The following DMD variants were observed in gnomAD, a reference collection of about 807,000 sequenced individuals.
DMD encodes dystrophin, also known as mutant dystrophin.
DMD carries 63 observed loss-of-function variants against 330.1 expected under a neutral mutation model. The observed-to-expected ratio is 0.19, with a 90% CI of 0.16 to 0.24. DMD has a LOEUF of 0.24. DMD is among the 10% of genes least tolerant of loss of function. The probability of loss-of-function intolerance (pLI) is 1.00; values close to 1 mark genes in which losing one functional copy is unlikely to be tolerated. For synonymous variants in DMD, 1,223 were observed against 959.8 expected (o/e 1.27, Z -5.07); for missense variants, 3,344 against 2,684.1 (o/e 1.25, Z -5.43).
At chrX:32,323,445 G>A (rs1377046192) in intron 41 of DMD, among the ~76,000 whole-genome samples, 1 of 111,575 alleles carries the variant, frequency 9.0e-6, no homozygotes, top group Non-Finnish European at 1.9e-5. Context: ...TGTAATTTAA[G>A]TAATAACATG....
intron 62 of DMD, among the ~76,000 whole-genome samples, chrX:31,298,664 G>A (rs910250248): frequency 3.6e-5 from 4 of 111,964 alleles, no homozygotes; most frequent in Admixed American, 9.5e-5. Flanking sequence ...CTTTTAGATT[G>A]AACCAAATAT....
rs1047719764 is a variant in DMD at position 32,054,736 on chromosome X, C to A, written c.6439-86222G>T. On this transcript the variant is annotated intron_variant, in intron 44 of 78. Transcript: ENST00000357033. ...TGGACATTTGGTGAGGACCATTTTT[C>A]ACTTTTTTTCATTCCTTTCTCTATG... is the stretch of plus-strand genomic sequence containing the variant. Among the ~76,000 whole-genome samples the A allele has an allele frequency of 2.8e-5, 3 of 106,369 alleles. No individual in the cohort carries two copies. The Admixed American group carries it at 3.1e-4, about 11-fold the overall frequency. The allele number at this position is 106,369 out of a possible 115,157, so 92.4% of individuals were successfully genotyped here. A position where few individuals can be genotyped will look rare whatever the true frequency, so the allele number is the denominator to read the frequency against.
chrX:33,145,361 A>G (rs1199185126), intron 1 of DMD, among the ~76,000 whole-genome samples: 1 of 111,887 alleles, frequency 8.9e-6, no homozygotes, highest in Admixed American at 9.6e-5. Context: ...TCTCTTTACT[A>G]CTGAAGCTGG....
chrX:32,491,508 A>G lies in DMD; in HGVS notation c.2391T>C (p.Asn797=). The G allele has an allele frequency of 8.3e-7, 1 of 1,209,714 alleles. No homozygotes were observed. Among genetic ancestry groups the G allele is most frequent in the Non-Finnish European group, 1.1e-6 (1 of 894,144 alleles). Residue 797 remains asparagine (N), a synonymous_variant, in exon 20 of 79, where the codon AAT becomes AAC. Coordinates refer to ENST00000357033, the MANE Select transcript of DMD (RefSeq NM_004006.3). The stretch of plus-strand genomic sequence containing the variant: ...CTGAGGCTTGTTTGATGCTATCTGC[A>G]TTAACACCCTCTAGAAAGAAAAAAA... ...LVEQMVNEGV[N]ADSIKQASEQ... is the part of the protein sequence containing the mutation.
intron 63 of DMD, among the ~76,000 whole-genome samples, chrX:31,243,892 C>T (rs1199362073): frequency 1.8e-5 from 2 of 112,323 alleles, no homozygotes; most frequent in African/African-American, 3.2e-5. Flanking sequence ...AAATTGGAAA[C>T]GACTATGGAA....
intron 1 of DMD, among the ~76,000 whole-genome samples, chrX:33,313,118 A>G (rs1434828030): frequency 9.0e-6 from 1 of 111,602 alleles, no homozygotes; most frequent in African/African-American, 3.3e-5. Context: ...CATACACACA[A>G]ATGGCTGTGA....
In DMD at chrX:31,425,712, G is replaced by GCGCACA. The variant is rs1288075431; in HGVS notation, c.9084+18768_9084+18769insTGTGCG. On this transcript the variant is annotated intron_variant, in intron 60 of 78. Transcript: ENST00000357033. ...GGCATGAGTACACACACACACACAC[G>GCGCACA]CACACAATACAGTTATCCTTGAACC... Among the ~76,000 whole-genome samples, 14 of 98,765 alleles carry GCGCACA rather than the reference G, an allele frequency of 1.4e-4. No individual in the cohort carries two copies. The East Asian group carries it at 2.4e-3, about 17-fold the overall frequency. The allele number at this position is 98,765 out of a possible 115,157, so 85.8% of individuals were successfully genotyped here. A position where few individuals can be genotyped will look rare whatever the true frequency, so the allele number is the denominator to read the frequency against.
intron 1 of DMD, among the ~76,000 whole-genome samples, chrX:33,283,882 G>T (rs1282797477): frequency 9.2e-6 from 1 of 108,648 alleles, no homozygotes; most frequent in African/African-American, 3.4e-5. Context: ...GCTGGGCATG[G>T]TGGCGGGCGC....
At chrX:31,399,664 A>G (rs770521881) in intron 60 of DMD, among the ~76,000 whole-genome samples, 1 of 111,360 alleles carries the variant, frequency 9.0e-6, no homozygotes, top group Non-Finnish European at 1.9e-5. Flanking sequence ...AGAAAGCTGT[A>G]GCTATAGAAG....
chrX:32,910,710 G>A (rs1454045172), intron 2 of DMD, among the ~76,000 whole-genome samples: 1 of 111,691 alleles, frequency 9.0e-6, no homozygotes, highest in Non-Finnish European at 1.9e-5. Context: ...CAAAGTGCTG[G>A]GATTACAGGA....
chrX:31,508,511 T>A, intron 55 of DMD: 1 of 210,461 alleles, frequency 4.8e-6, no homozygotes, highest in South Asian at 1.4e-4. Flanking sequence ...CAGCCAACTT[T>A]TCTTATCATT....
At chrX:32,006,061 A>T (rs190804045) in intron 44 of DMD, among the ~76,000 whole-genome samples, 3 of 111,220 alleles carry the variant, frequency 2.7e-5, no homozygotes, top group African/African-American at 9.8e-5. Context: ...CAGTAAAAGC[A>T]CCTAAGCCCT....
At position 32,776,434 on chromosome X, in the gene DMD, G is replaced by A. The variant is rs1603403716; in HGVS notation, c.649+33059C>T. Among the ~76,000 whole-genome samples, 3 of 110,707 alleles carry A rather than the reference G, an allele frequency of 2.7e-5. No homozygotes were observed. The South Asian group carries it at 1.1e-3, about 42-fold the overall frequency. ...TGTTATAAAGAGTACCTGTGGTTGGGTAATTTATAAGTAAAAGAGGATTAA... is the reference window on the plus strand; with the variant it reads ...TGTTATAAAGAGTACCTGTGGTTGGATAATTTATAAGTAAAAGAGGATTAA... On this transcript the variant is annotated intron_variant, in intron 7 of 78. Coordinates refer to ENST00000357033, the MANE Select transcript of DMD (RefSeq NM_004006.3).
chrX:31,785,514 C>T (rs771938542), intron 50 of DMD, among the ~76,000 whole-genome samples: 149 of 111,510 alleles, frequency 1.3e-3, no homozygotes, highest in African/African-American at 4.8e-3. Context: ...TACAGGTTTG[C>T]TACGTAGGTA....
chrX:31,380,331 G>A (rs1387390316), intron 60 of DMD, among the ~76,000 whole-genome samples: 4 of 109,701 alleles, frequency 3.6e-5, no homozygotes, highest in African/African-American at 6.6e-5. Flanking sequence ...CCTCATTGCC[G>A]CCTTTTCCCC....
chrX:32,969,044 A>AAAAAAAAAAAAAAAAAAAAG, intron 2 of DMD, among the ~76,000 whole-genome samples: 4 of 99,565 alleles, frequency 4.0e-5, no homozygotes, highest in African/African-American at 1.4e-4. Flanking sequence ...AAAAAAAAAA[A>AAAAAAAAAAAAAAAAAAAAG]AAAAAAAAAA....
At chrX:31,287,686 T>C (rs1048842972) in intron 62 of DMD, among the ~76,000 whole-genome samples, 4 of 112,519 alleles carry the variant, frequency 3.6e-5, no homozygotes, top group African/African-American at 6.5e-5. Context: ...TTGTCCAGTC[T>C]CTACTAAAAG....
intron 7 of DMD, among the ~76,000 whole-genome samples, chrX:32,730,918 C>T (rs906967108): frequency 7.2e-5 from 8 of 111,376 alleles, no homozygotes; most frequent in Admixed American, 3.8e-4. Flanking sequence ...CCAAGATGGC[C>T]GAATAGGAAC....
intron 2 of DMD, among the ~76,000 whole-genome samples, chrX:32,980,285 G>A (rs1398365974): frequency 3.0e-5 from 3 of 98,539 alleles, no homozygotes; most frequent in Non-Finnish European, 5.9e-5. Context: ...AGGAATGCTT[G>A]AACCCAGGAG....
Sources: allele counts gnomAD v4.1 joint callset (sites outside exome capture counted in the v4.1 genomes callset), GRCh38; gene constraint gnomAD v4.1.1; transcripts MANE v1.5; gene names NCBI Gene and HGNC (gene_info 2026-07-23, HGNC 2026-07-21).